PDE11A: variants seen among roughly 807,000 people sequenced by gnomAD.
PDE11A encodes dual 3',5'-cyclic-AMP and -GMP phosphodiesterase 11A.
PDE11A carries 100 observed loss-of-function variants against 100.5 expected under a neutral mutation model. That is an observed-to-expected ratio of 1.00 (90% CI 0.85 to 1.18). PDE11A has a LOEUF of 1.18. Ranked by LOEUF, PDE11A falls within the 50% of genes most tolerant of loss-of-function variation. The pLI, the probability that PDE11A is intolerant of heterozygous loss-of-function variation, is 0.00. For synonymous variants in PDE11A, 381 were observed against 420.8 expected, an observed-to-expected ratio of 0.91 and a Z score of 1.16; for missense variants, 1,141 against 1,152.6, an observed-to-expected ratio of 0.99 and a Z score of 0.15.
rs1558952729 is a variant in PDE11A, at chr2:177,816,828, C to CA, written c.1737dup (p.Val580CysfsTer12). ...AAACCTGACATAAACACTGTACTTA[C>CA]ATCAAGAGCCACAGACTGCTTGGCC... On this transcript the variant is annotated frameshift_variant and splice_region_variant. Transcript: ENST00000286063. LOFTEE classifies it high-confidence loss of function. 6.5e-7 allele frequency: 1 copy of CA among 1,549,194 alleles called. No homozygotes were observed. Among genetic ancestry groups the CA allele is most frequent in the Middle Eastern group, 1.7e-4 (1 of 5,936 alleles).
At chr2:178,085,037 G>A (rs2087331797) in intron 2 of PDE11A, among the ~76,000 whole-genome samples, 1 of 152,126 alleles carries the variant, frequency 6.6e-6, no homozygotes, top group South Asian at 2.1e-4. Flanking sequence ...TTTAACCTGG[G>A]TTCTAGAATG....
intron 1 of PDE11A, among the ~76,000 whole-genome samples, chr2:178,051,841 A>G (rs1417575133): frequency 1.3e-5 from 2 of 152,352 alleles, no homozygotes; most frequent in East Asian, 3.9e-4. Flanking sequence ...CACCCAATAC[A>G]GGAGAACCCA....
chr2:177,730,656 C>A (rs1042870096), intron 10 of PDE11A, among the ~76,000 whole-genome samples: 1 of 151,876 alleles, frequency 6.6e-6, no homozygotes, highest in Admixed American at 6.6e-5. Context: ...TCTGGATATT[C>A]CTTTTTATGT....
intron 10 of PDE11A, among the ~76,000 whole-genome samples, chr2:177,733,605 T>C (rs553989565): frequency 9.8e-5 from 15 of 152,346 alleles, no homozygotes; most frequent in African/African-American, 2.4e-4. Context: ...TAGTCCAGCC[T>C]TGGCAATTCA....
At chr2:177,966,736 T>C (rs1476088717) in intron 2 of PDE11A, among the ~76,000 whole-genome samples, 1 of 152,206 alleles carries the variant, frequency 6.6e-6, no homozygotes, top group African/African-American at 2.4e-5. Flanking sequence ...CTTTTTGACA[T>C]ACGGCTAGAT....
chr2:178,074,933 GATA>G (rs984294213), upstream of PDE11A, among the ~76,000 whole-genome samples: 3 of 152,132 alleles, frequency 2.0e-5, no homozygotes, highest in Non-Finnish European at 4.4e-5. Context: ...ATGGAGGGCT[GATA>G]ATAAGATGTG....
intron 4 of PDE11A, among the ~76,000 whole-genome samples, chr2:177,892,082 G>A (rs2084537597): frequency 6.6e-6 from 1 of 152,136 alleles, no homozygotes; most frequent in South Asian, 2.1e-4. Context: ...AACCAGTATT[G>A]TTTTTAACCT....
intron 19 of PDE11A, among the ~76,000 whole-genome samples, chr2:177,661,566 G>C (rs1233731861): frequency 1.3e-5 from 2 of 152,146 alleles, no homozygotes; most frequent in African/African-American, 4.8e-5. Context: ...AATAAAATAG[G>C]ACCCTCAGAG....
At chr2:177,816,746 T>C in intron 9 of PDE11A, 83 bp downstream of exon 9, 1 of 807,146 alleles carries the variant, frequency 1.2e-6, no homozygotes, top group South Asian at 1.3e-5. Context: ...ATTTGAGAAA[T>C]TAAGCCCCAT....
intron 10 of PDE11A, among the ~76,000 whole-genome samples, chr2:177,758,195 G>A (rs1258838362): frequency 6.6e-6 from 1 of 151,044 alleles, no homozygotes; most frequent in Non-Finnish European, 1.5e-5. Context: ...TACTCGGGAG[G>A]CTGAGGCAGG....
chr2:177,766,347 G>T (rs1336930886), intron 10 of PDE11A, among the ~76,000 whole-genome samples: 6 of 152,178 alleles, frequency 3.9e-5, no homozygotes, highest in Non-Finnish European at 8.8e-5. Flanking sequence ...CACGCCTGCT[G>T]CTCACCTCCT....
chr2:177,853,696 GTGTGTGTGTGTGTGTGTT>G (rs1321521896), intron 5 of PDE11A, among the ~76,000 whole-genome samples: 872 of 36,322 alleles, frequency 0.024, 29 homozygotes, highest in East Asian at 0.17. Flanking sequence ...GTGTGTGTGT[GTGTGTGTGTGTGTGTGTT>G]TGTGTGTGTG....
At chr2:177,680,946 G>A (rs1294495516) in intron 15 of PDE11A, 43 bp from the exon 16 acceptor site, 6 of 1,097,666 alleles carry the variant, frequency 5.5e-6, no homozygotes, top group Non-Finnish European at 8.3e-6. Flanking sequence ...AAAAAAACTG[G>A]AATGAGATTT....
At chr2:178,000,782 T>C (rs1161016134) in intron 2 of PDE11A, among the ~76,000 whole-genome samples, 1 of 152,184 alleles carries the variant, frequency 6.6e-6, no homozygotes, top group Non-Finnish European at 1.5e-5. Context: ...CACAAGGCAA[T>C]GTAATTTAGA....
At chr2:177,997,658 C>CT in intron 2 of PDE11A, 1 of 1,532,956 alleles carries the variant, frequency 6.5e-7, no homozygotes, top group Non-Finnish European at 9.0e-7. Context: ...ATTTTGAAAT[C>CT]TTTGAGTTTT....
At chr2:177,678,244 T>A (rs1408771853) in intron 16 of PDE11A, among the ~76,000 whole-genome samples, 1 of 152,332 alleles carries the variant, frequency 6.6e-6, no homozygotes, top group Non-Finnish European at 1.5e-5. Context: ...TCTGCAAGGT[T>A]AGAAACACAA....
At chr2:177,753,440 G>T (rs562421796) in intron 10 of PDE11A, among the ~76,000 whole-genome samples, 72 of 152,134 alleles carry the variant, frequency 4.7e-4, no homozygotes, top group Non-Finnish European at 9.6e-4. Flanking sequence ...ACATGAAGGA[G>T]AAATTAGAGT....
intron 10 of PDE11A, among the ~76,000 whole-genome samples, chr2:177,731,943 A>C (rs891162777): frequency 5.9e-4 from 90 of 152,168 alleles, no homozygotes; most frequent in African/African-American, 2.0e-3. Flanking sequence ...ACTAAAAAAA[A>C]CCTTTATTTT....
At chr2:177,724,260 G>A (rs553094835) in intron 12 of PDE11A, among the ~76,000 whole-genome samples, 10 of 151,946 alleles carry the variant, frequency 6.6e-5, no homozygotes, top group Admixed American at 1.3e-4. Flanking sequence ...GTCATTAACA[G>A]GGTTCCCAGT....
Sources: gnomAD v4.1 joint callset for allele counts (sites outside exome capture counted in the v4.1 genomes callset) on GRCh38, gnomAD v4.1.1 for gene constraint, MANE v1.5 for transcripts, NCBI Gene and HGNC (gene_info 2026-07-23, HGNC 2026-07-21) for gene names.